Variants in BCAP31 observed in about 807,000 individuals in gnomAD.
BCAP31 encodes the protein B cell receptor associated protein 31.
For synonymous variants in BCAP31, 75 were observed against 80.9 expected (o/e 0.93, Z 0.39); for missense variants, 124 against 193.0 (o/e 0.64, Z 2.12).
chrX:153,715,403 C>T (rs2091619948), intron 4 of BCAP31, 139 bp downstream of exon 4: 2 of 960,088 alleles, frequency 2.1e-6, no homozygotes, highest in Admixed American at 5.3e-5. Flanking sequence ...TTCCCTAACA[C>T]AGACAGGGCT....
intron 4 of BCAP31, among the ~76,000 whole-genome samples, chrX:153,710,267 A>T (rs1557048958): frequency 9.0e-6 from 1 of 111,611 alleles, no homozygotes; most frequent in African/African-American, 3.3e-5. Context: ...GGCAGGTGGC[A>T]GGGAGCCCGC....
rs782068652 is a variant in BCAP31, at chrX:153,715,706, AG to A, written c.194-18del. 3.3e-5 allele frequency: 40 copies of A among 1,207,477 alleles called. No individual in the cohort carries two copies. The South Asian group carries it at 5.5e-4, about 16-fold the overall frequency. On this transcript the variant is annotated intron_variant, in intron 3 of 7. Coordinates refer to ENST00000345046, the MANE Select transcript of BCAP31 (RefSeq NM_001256447.2). ...GCACGGCATCTGTGGTGGAGCAGAG[AG>A]GAGACACGGGCATTTAGCGGACACT...
chrX:153,703,061 G>A lies in BCAP31; in HGVS notation c.478-3C>T, dbSNP rs1486001566. 1 of 1,207,848 alleles carries A rather than the reference G, an allele frequency of 8.3e-7. No homozygotes were observed. Among genetic ancestry groups the A allele is most frequent in the African/African-American group, 1.7e-5 (1 of 57,357 alleles). ...TTGCCTCCGTCAACAGCAGCTCCCT[G>A]GGAAAAGTGCCAAAGGCCAGGGTTA... On this transcript the variant is annotated splice_polypyrimidine_tract_variant and splice_region_variant and intron_variant, in intron 5 of 7. Transcript: ENST00000345046.
At chrX:153,701,104 A>G in intron 7 of BCAP31, 129 bp from the exon 8 acceptor site, 1 of 581,299 alleles carries the variant, frequency 1.7e-6, no homozygotes, top group South Asian at 2.9e-5. Flanking sequence ...TCAAGTGAAC[A>G]AGGGGCCCCC....
chrX:153,702,831 C>T (rs1441277286), intron 6 of BCAP31, 104 bp downstream of exon 6: 112 of 1,086,010 alleles, frequency 1.0e-4, no homozygotes, highest in Non-Finnish European at 1.3e-4. Flanking sequence ...CTCGAGCGTG[C>T]GTGCAAGGCT....
rs781811907 is a variant in BCAP31 at position 153,712,544 on chromosome X, G to A, written c.341+2998C>T. Among the ~76,000 whole-genome samples, 4 of 112,060 alleles carry A rather than the reference G, an allele frequency of 3.6e-5. 1 individual carries two copies. The South Asian group carries it at 1.1e-3, about 31-fold the overall frequency. The stretch of plus-strand genomic sequence containing the variant: ...AAAGCATGTGGTGCTTAAAAGCCCC[G>A]TGGTTAACTTTTTTTAAACACGGGA... On this transcript the variant is annotated intron_variant, in intron 4 of 7. Transcript: ENST00000345046.
At chrX:153,705,755 G>A (rs868938486) in intron 4 of BCAP31, among the ~76,000 whole-genome samples, 22 of 112,043 alleles carry the variant, frequency 2.0e-4, no homozygotes, top group Non-Finnish European at 3.6e-4. Context: ...GATGTAGAAA[G>A]AGGAAGAGGA....
chrX:153,700,980 A>G lies in BCAP31; in HGVS notation c.703-5T>C, dbSNP rs1557047252. 1 of 1,205,407 alleles carries G rather than the reference A, an allele frequency of 8.3e-7. No homozygotes were observed. Among genetic ancestry groups the G allele is most frequent in the Non-Finnish European group, 1.1e-6 (1 of 892,364 alleles). ...CATGGGACCATCTACTGCAGCCTGG[A>G]AAGGGACAGAAATCCCACAGCAGTA... is the stretch of plus-strand genomic sequence containing the variant. On this transcript the variant is annotated splice_polypyrimidine_tract_variant and splice_region_variant and intron_variant, in intron 7 of 7. Coordinates refer to ENST00000345046, the MANE Select transcript of BCAP31 (RefSeq NM_001256447.2).
At position 153,715,705 on chromosome X, in the gene BCAP31, G is replaced by A; in HGVS notation, c.194-16C>T. On this transcript the variant is annotated splice_polypyrimidine_tract_variant and intron_variant, in intron 3 of 7. Coordinates refer to ENST00000345046, the MANE Select transcript of BCAP31 (RefSeq NM_001256447.2). ...CGCACGGCATCTGTGGTGGAGCAGA[G>A]AGGAGACACGGGCATTTAGCGGACA... is the stretch of plus-strand genomic sequence containing the variant. The A allele has an allele frequency of 3.3e-6, 4 of 1,209,414 alleles. No homozygotes were observed. Among genetic ancestry groups the A allele is most frequent in the Non-Finnish European group, 3.4e-6 (3 of 893,488 alleles).
Position 153,700,535 on chromosome X carries a change from T to G in BCAP31, c.*402A>C, listed in dbSNP as rs1253850324. On this transcript the variant is annotated 3_prime_UTR_variant, in exon 8 of 8. Transcript: ENST00000345046. ...AACTTTTATTGCCCTCAAGAGAAAC[T>G]CCAGTCCACCTGCTCCACCCACCCT... The G allele has an allele frequency of 2.0e-5, 3 of 147,467 alleles. No homozygotes were observed. Among genetic ancestry groups the G allele is most frequent in the African/African-American group, 9.7e-5 (3 of 31,077 alleles). 12.2% of individuals were successfully genotyped at this position (147,467 alleles called of 1,213,427 possible).
chrX:153,715,295 G>T (rs1298233764), intron 4 of BCAP31: 3 of 401,050 alleles, frequency 7.5e-6, no homozygotes, highest in East Asian at 4.0e-5. Flanking sequence ...TCATCTGTTT[G>T]CCTGAGAGTA....
intron 3 of BCAP31, among the ~76,000 whole-genome samples, chrX:153,718,888 AG>A (rs1219100321): frequency 9.0e-6 from 1 of 111,369 alleles, no homozygotes; most frequent in Non-Finnish European, 1.9e-5. Context: ...ATCCTCCAGG[AG>A]GATCTGCTCA....
intron 4 of BCAP31, among the ~76,000 whole-genome samples, chrX:153,710,074 C>T (rs2091580149): frequency 8.9e-6 from 1 of 112,223 alleles, no homozygotes; most frequent in Admixed American, 9.4e-5. Flanking sequence ...CACAGAGGTC[C>T]CCAAAATGCT....
At chrX:153,703,173 G>A (rs1475650723) in intron 5 of BCAP31, 115 bp from the exon 6 acceptor site, 96 of 1,035,270 alleles carry the variant, frequency 9.3e-5, no homozygotes, top group South Asian at 6.8e-4. Context: ...ACGCCCCTTC[G>A]GAAATGTCAA....
intron 3 of BCAP31, among the ~76,000 whole-genome samples, chrX:153,719,816 C>T (rs1557050681): frequency 8.9e-6 from 1 of 111,924 alleles, no homozygotes. Flanking sequence ...TTCTTGTCTC[C>T]AGATGGTCAC....
intron 4 of BCAP31, among the ~76,000 whole-genome samples, chrX:153,709,939 G>C (rs1188354980): frequency 1.8e-5 from 2 of 112,638 alleles, no homozygotes; most frequent in Non-Finnish European, 3.8e-5. Flanking sequence ...CCTGGGACCC[G>C]AGGACAGCGC....
At chrX:153,708,939 G>A in intron 4 of BCAP31, among the ~76,000 whole-genome samples, 1 of 112,242 alleles carries the variant, frequency 8.9e-6, no homozygotes, top group East Asian at 2.8e-4. Context: ...TTTCAAATGA[G>A]AACATGACTT....
rs782003891 is a variant in BCAP31, at chrX:153,702,528, G to A, written c.601+407C>T. The A allele has an allele frequency of 7.9e-5, 14 of 176,288 alleles. No homozygotes were observed. The East Asian group carries it at 1.3e-3, about 16-fold the overall frequency. The allele number at this position is 176,288 out of a possible 1,213,427, so 14.5% of individuals were successfully genotyped here. On this transcript the variant is annotated intron_variant, in intron 6 of 7. Transcript: ENST00000345046. ...AAACGCCCCAGACTTAAGTCTATGC[G>A]TGGGAGACCAAAGACAGGCAGGCCG... is the stretch of plus-strand genomic sequence containing the variant.
At position 153,704,104 on chromosome X, in the gene BCAP31, T is replaced by G. The variant is rs368433664; in HGVS notation, c.342-10A>C. On this transcript the variant is annotated splice_polypyrimidine_tract_variant and intron_variant, in intron 4 of 7. Transcript: ENST00000345046. ...CAGGCGTCTAAGCAGGCTGCAATTA[T>G]TTACAAAAAGAAGGGAGAAGTGAGA... 2.6e-4 allele frequency: 317 copies of G among 1,201,766 alleles called. No individual in the cohort carries two copies. Among genetic ancestry groups the G allele is most frequent in the Non-Finnish European group, 3.4e-4 (301 of 890,676 alleles).
Sources: gnomAD v4.1 joint callset for allele counts (sites outside exome capture counted in the v4.1 genomes callset) on GRCh38, gnomAD v4.1.1 for gene constraint, MANE v1.5 for transcripts, NCBI Gene and HGNC (gene_info 2026-07-23, HGNC 2026-07-21) for gene names.